Variants in ANKS3 observed in about 807,000 individuals in gnomAD.
The protein encoded by ANKS3 is ankyrin repeat and SAM domain-containing protein 3.
Under a neutral mutation model 80.7 loss-of-function variants are expected in ANKS3, and 62 were observed. The ratio of observed to expected loss-of-function variants is 0.77; its 90% CI spans 0.63 to 0.95. ANKS3 has a LOEUF of 0.95. Among genes scored for constraint, ANKS3 ranks in the 40% least tolerant of loss-of-function variants. The probability of loss-of-function intolerance (pLI) is 0.00; values close to 1 mark genes in which losing one functional copy is unlikely to be tolerated. For synonymous variants in ANKS3, 489 were observed against 355.3 expected, an observed-to-expected ratio of 1.38 and a Z score of -4.23; for missense variants, 1,150 against 883.6, an observed-to-expected ratio of 1.30 and a Z score of -3.82.
At chr16:4,700,320 G>C (rs1394299453) in intron 11 of ANKS3, 1 of 155,166 alleles carries the variant, frequency 6.4e-6, no homozygotes, top group East Asian at 1.9e-4. Context: ...GGGAGGCTGA[G>C]GCAGGAGAAT....
intron 1 of ANKS3, among the ~76,000 whole-genome samples, chr16:4,733,478 G>A (rs1366571955): frequency 1.3e-5 from 2 of 151,978 alleles, no homozygotes; most frequent in Non-Finnish European, 2.9e-5. Context: ...GTTTAGTAGA[G>A]ACGAAGTGTC....
intron 15 of ANKS3, 116 bp from the exon 16 acceptor site, chr16:4,697,532 C>G: frequency 1.2e-6 from 1 of 837,676 alleles, no homozygotes; most frequent in Admixed American, 3.1e-5. Context: ...TCCCTACCCG[C>G]CTGACAGTGT....
chr16:4,715,790 A>T (rs947839354), intron 6 of ANKS3, among the ~76,000 whole-genome samples: 1 of 151,698 alleles, frequency 6.6e-6, no homozygotes, highest in Non-Finnish European at 1.5e-5. Context: ...ATGTACTACC[A>T]TAAGCATGTT....
At chr16:4,721,001 TAA>T (rs1403888785) in intron 6 of ANKS3, among the ~76,000 whole-genome samples, 36 of 68,478 alleles carry the variant, frequency 5.3e-4, no homozygotes, top group Admixed American at 1.2e-3. Context: ...CATGCCACCA[TAA>T]AAAAAAAAAA....
At chr16:4,733,100 G>A (rs907653670) in intron 1 of ANKS3, among the ~76,000 whole-genome samples, 3 of 150,450 alleles carry the variant, frequency 2.0e-5, no homozygotes, top group African/African-American at 4.9e-5. Context: ...GGTAGTGGAG[G>A]GTGGGGATGC....
At chr16:4,700,022 G>T (rs1281936583) in intron 11 of ANKS3, 2 of 152,492 alleles carry the variant, frequency 1.3e-5, no homozygotes, top group Non-Finnish European at 2.9e-5. Context: ...GGACCGAGAC[G>T]TGTGCCTGCT....
intron 6 of ANKS3, among the ~76,000 whole-genome samples, chr16:4,720,007 C>A (rs920196715): frequency 6.7e-6 from 1 of 148,916 alleles, no homozygotes; most frequent in Admixed American, 6.8e-5. Flanking sequence ...ACTAAAAATA[C>A]AAAAATTAGC....
intron 3 of ANKS3, 64 bp downstream of exon 3, chr16:4,729,916 C>G (rs1007497550): frequency 6.6e-6 from 9 of 1,366,970 alleles, no homozygotes; most frequent in Admixed American, 2.6e-5. Flanking sequence ...AGCCCCATCA[C>G]GTGGGATCGA....
chr16:4,715,573 G>T (rs912616945), intron 6 of ANKS3, among the ~76,000 whole-genome samples: 4 of 152,150 alleles, frequency 2.6e-5, no homozygotes, highest in African/African-American at 9.7e-5. Context: ...TCCAGCCTGG[G>T]CAATAGAGCG....
rs544440440 is a variant in ANKS3 at position 4,698,911 on chromosome 16, G to C, written c.1440C>G (p.Ser480=). Residue 480 remains serine (S), a synonymous_variant, in exon 13 of 18, where the codon TCC becomes TCG. Transcript: ENST00000304283. The part of the protein sequence containing the change: ...TLFGPKRKMT[S]AIARWHSSAR... Reference sequence around the variant, plus strand: ...CACTGCTGTGCCAGCGGGCAATGGCGGACGTCATCTTCCTCTTGGGCCCAA... The same window carrying C: ...CACTGCTGTGCCAGCGGGCAATGGCCGACGTCATCTTCCTCTTGGGCCCAA... The C allele has an allele frequency of 6.9e-6, 11 of 1,599,058 alleles. No homozygotes were observed. The East Asian group carries it at 2.0e-4, about 29-fold the overall frequency.
intron 6 of ANKS3, among the ~76,000 whole-genome samples, chr16:4,719,362 A>G (rs796728811): frequency 3.9e-5 from 6 of 152,352 alleles, no homozygotes; most frequent in African/African-American, 1.4e-4. Context: ...ATCAAAAATT[A>G]TAAGAGTACA....
At chr16:4,700,857 C>G (rs571615295) in intron 11 of ANKS3, 113 bp downstream of exon 11, 2 of 1,396,368 alleles carry the variant, frequency 1.4e-6, no homozygotes, top group Admixed American at 1.7e-5. Context: ...GGGATGCCAC[C>G]GCCATTCTGT....
rs546601132 is a variant in ANKS3, at chr16:4,706,978, C to T, written c.710-1725G>A. ...TGGGCCACTCTGTCCTTCCCCATGA[C>T]GAGGCTCAAGCTCTGGCGACTGAGC... is the stretch of plus-strand genomic sequence containing the variant. On this transcript the variant is annotated intron_variant, in intron 7 of 17. Coordinates refer to ENST00000304283, the MANE Select transcript of ANKS3 (RefSeq NM_133450.4). 2.6e-5 allele frequency among the ~76,000 whole-genome samples: 4 copies of T among 152,258 alleles called. No individual in the cohort carries two copies. In the South Asian group the frequency reaches 6.2e-4, roughly 24 times the overall value.
chr16:4,714,990 C>CAAAAAA (rs753327026), intron 6 of ANKS3, among the ~76,000 whole-genome samples: 756 of 36,626 alleles, frequency 0.021, 109 homozygotes, highest in African/African-American at 0.11. Flanking sequence ...GACTCTGTCT[C>CAAAAAA]AAAAAAAAAA....
intron 7 of ANKS3, among the ~76,000 whole-genome samples, chr16:4,707,438 T>A (rs959955976): frequency 1.1e-4 from 16 of 152,092 alleles, no homozygotes; most frequent in Non-Finnish European, 1.6e-4. Flanking sequence ...TGTGCCACCA[T>A]GCCTGGCTAA....
chr16:4,726,228 G>A (rs533527043), intron 5 of ANKS3, among the ~76,000 whole-genome samples: 2 of 151,686 alleles, frequency 1.3e-5, no homozygotes, highest in South Asian at 2.1e-4. Context: ...TGCCTACCTC[G>A]GCCTCCCAAA....
chr16:4,697,311 C>T (rs749473669), intron 16 of ANKS3, 22 bp downstream of exon 16: 17 of 1,585,768 alleles, frequency 1.1e-5, no homozygotes, highest in Middle Eastern at 1.7e-4. Context: ...AGCGCTCAGT[C>T]GTCTGGTCCC....
intron 7 of ANKS3, among the ~76,000 whole-genome samples, chr16:4,707,288 T>A (rs995963537): frequency 4.0e-5 from 6 of 151,372 alleles, no homozygotes; most frequent in African/African-American, 1.5e-4. Context: ...ACACTTTTTT[T>A]TTTTTTTTTT....
intron 6 of ANKS3, among the ~76,000 whole-genome samples, chr16:4,724,228 G>A (rs967668532): frequency 3.3e-5 from 5 of 152,214 alleles, no homozygotes; most frequent in Non-Finnish European, 5.9e-5. Context: ...GAGGCAGATT[G>A]TACACGGAAT....
Sources: gnomAD v4.1 joint callset for allele counts (sites outside exome capture counted in the v4.1 genomes callset) on GRCh38, gnomAD v4.1.1 for gene constraint, MANE v1.5 for transcripts, NCBI Gene and HGNC (gene_info 2026-07-23, HGNC 2026-07-21) for gene names.